Variants in WLS observed in about 807,000 individuals in gnomAD.
WLS encodes protein wntless homolog.
Under a neutral mutation model 62.8 loss-of-function variants are expected in WLS, and 23 were observed. The ratio of observed to expected loss-of-function variants is 0.37; its 90% confidence interval spans 0.26 to 0.52. WLS has a LOEUF of 0.52. Among genes scored for constraint, WLS ranks in the 20% least tolerant of loss-of-function variants. The pLI is 0.92. For missense variants in WLS, 615 were observed against 697.3 expected (o/e 0.88, Z 1.33); for synonymous variants, 246 against 244.1 (o/e 1.01, Z -0.07).
At chr1:68,199,217 G>C (rs559972928) in intron 1 of WLS, among the ~76,000 whole-genome samples, 3 of 152,170 alleles carry the variant, frequency 2.0e-5, no homozygotes, top group African/African-American at 7.2e-5. Flanking sequence ...CAATCACCTA[G>C]GAGCATTACT....
intron 2 of WLS, among the ~76,000 whole-genome samples, chr1:68,177,262 T>C (rs778785690): frequency 4.6e-5 from 7 of 152,216 alleles, no homozygotes; most frequent in Non-Finnish European, 1.0e-4. Context: ...CTGAATTCCA[T>C]GGGTGAGCTT....
intron 2 of WLS, among the ~76,000 whole-genome samples, chr1:68,177,887 A>G (rs928646527): frequency 5.9e-5 from 9 of 152,238 alleles, no homozygotes; most frequent in African/African-American, 2.2e-4. Context: ...CCTTACAACA[A>G]CCCTATAAAG....
intron 11 of WLS, among the ~76,000 whole-genome samples, chr1:68,106,890 C>T (rs1035324503): frequency 3.9e-4 from 59 of 152,286 alleles, no homozygotes; most frequent in African/African-American, 1.3e-3. Flanking sequence ...GTGCTTTGGA[C>T]ACTGTCAAGA....
At chr1:68,199,199 T>C (rs1648853702) in intron 1 of WLS, among the ~76,000 whole-genome samples, 1 of 152,202 alleles carries the variant, frequency 6.6e-6, no homozygotes, top group African/African-American at 2.4e-5. Flanking sequence ...TAATGAACAT[T>C]TCTTTAGCAA....
chr1:68,193,067 C>A (rs1241208025), intron 2 of WLS, among the ~76,000 whole-genome samples: 7 of 151,444 alleles, frequency 4.6e-5, no homozygotes, highest in Non-Finnish European at 7.4e-5. Context: ...CGAGATTGAG[C>A]CACTGCACTC....
intron 2 of WLS, among the ~76,000 whole-genome samples, chr1:68,179,873 T>G (rs1405448709): frequency 6.6e-6 from 1 of 152,148 alleles, no homozygotes; most frequent in African/African-American, 2.4e-5. Context: ...TAAAGGTAGA[T>G]CTCGAATTAC....
At chr1:68,193,398 TAAAAAAAAAAAAAAAAAAAAAA>T (rs904327955) in intron 2 of WLS, among the ~76,000 whole-genome samples, 6 of 15,440 alleles carry the variant, frequency 3.9e-4, no homozygotes, top group East Asian at 2.6e-3. Context: ...GCAAATAAGC[TAAAAAAAAAAAAAAAAAAAAAA>T]AAAAAAAAAA....
At chr1:68,135,875 C>G (rs569244136) in intron 11 of WLS, among the ~76,000 whole-genome samples, 10 of 152,102 alleles carry the variant, frequency 6.6e-5, no homozygotes, top group Admixed American at 6.6e-4. Context: ...GTAAAAACAC[C>G]GAGTGGTGTT....
rs1557487956 is a variant in WLS at position 68,162,711 on chromosome 1, C to T, written c.380-3464G>A. 4 of 1,195,484 alleles carry T rather than the reference C, an allele frequency of 3.3e-6. No homozygotes were observed. The Admixed American group carries it at 7.1e-5, about 21-fold the overall frequency. The allele number at this position is 1,195,484 out of a possible 1,614,324, so 74.1% of individuals were successfully genotyped here. ...CCGGTGTCTCTTCCACGGCTGCAGA[C>T]GGGATATTGCACACAGCAATTCCGA... On this transcript the variant is annotated intron_variant, in intron 2 of 11. Coordinates refer to ENST00000262348, the MANE Select transcript of WLS (RefSeq NM_024911.7).
At chr1:68,146,793 C>G (rs1045655453) in intron 8 of WLS, among the ~76,000 whole-genome samples, 4 of 152,168 alleles carry the variant, frequency 2.6e-5, no homozygotes, top group Non-Finnish European at 5.9e-5. Context: ...CAATTAGAGC[C>G]AGTCTGAGAA....
At chr1:68,145,769 C>T in intron 9 of WLS, 100 bp downstream of exon 9, 1 of 1,511,696 alleles carries the variant, frequency 6.6e-7, no homozygotes, top group Non-Finnish European at 8.8e-7. Context: ...ATTTGTATTT[C>T]AAAGTAAAGG....
intron 2 of WLS, among the ~76,000 whole-genome samples, chr1:68,185,405 G>T (rs942962306): frequency 6.6e-6 from 1 of 152,192 alleles, no homozygotes; most frequent in Admixed American, 6.5e-5. Context: ...GTATGGCAGG[G>T]ATCCCTGACC....
intron 11 of WLS, among the ~76,000 whole-genome samples, chr1:68,099,015 C>T (rs1646043524): frequency 6.6e-6 from 1 of 152,074 alleles, no homozygotes; most frequent in Non-Finnish European, 1.5e-5. Flanking sequence ...AATTTTCCAA[C>T]ACCTCCCGAG....
At chr1:68,114,700 G>A (rs956802191) in intron 11 of WLS, among the ~76,000 whole-genome samples, 1 of 152,186 alleles carries the variant, frequency 6.6e-6, no homozygotes, top group Non-Finnish European at 1.5e-5. Context: ...CCTCGAGCCA[G>A]CCCCTGAAGG....
chr1:68,186,146 C>T (rs147915830), intron 2 of WLS, among the ~76,000 whole-genome samples: 1 of 152,206 alleles, frequency 6.6e-6, no homozygotes, highest in East Asian at 1.9e-4. Flanking sequence ...CATTTTTCTC[C>T]CAAAGGCACT....
intron 2 of WLS, among the ~76,000 whole-genome samples, chr1:68,185,381 G>A (rs1647865808): frequency 6.6e-6 from 1 of 152,186 alleles, no homozygotes; most frequent in South Asian, 2.1e-4. Flanking sequence ...AAGATTGATA[G>A]GGTAAGGCAT....
In WLS at chr1:68,144,606, C is replaced by T. The variant is rs769604518; in HGVS notation, c.1325G>A (p.Cys442Tyr). The change falls in exon 10 of 12, where the codon TGC (cysteine) becomes TAC (tyrosine). Residue 442 changes from cysteine to tyrosine, a missense_variant. Cys to Tyr is a radical substitution (Grantham distance 194). Transcript: ENST00000262348. ...GAAGAAGATGACAGTCATGGCAGCG[C>T]AGGCCAAGGTGATAAGCATGAGGAA... ...FKFLMLITLA[C>Y]AAMTVIFFIV... is the part of the protein sequence containing the mutation. The T allele has an allele frequency of 6.2e-7, 1 of 1,613,760 alleles. No individual in the cohort carries two copies. The highest frequency in any genetic ancestry group is 1.1e-5 in the South Asian group (1 of 91,070).
In WLS at chr1:68,163,002, A is replaced by C; in HGVS notation, c.380-3755T>G. ...CAGCGCCACCAGGGGGCAGGAGTGC[A>C]GGGGGCCGTTCATGATCTGGGGGCG... On this transcript the variant is annotated intron_variant, in intron 2 of 11. Coordinates refer to ENST00000262348, the MANE Select transcript of WLS (RefSeq NM_024911.7). The C allele has an allele frequency of 1.9e-6, 3 of 1,593,422 alleles. No homozygotes were observed. The South Asian group carries it at 3.3e-5, about 18-fold the overall frequency.
At chr1:68,217,506 C>T (rs768829533) in intron 1 of WLS, among the ~76,000 whole-genome samples, 1 of 152,142 alleles carries the variant, frequency 6.6e-6, no homozygotes, top group Admixed American at 6.5e-5. Context: ...CAGTGGTTAA[C>T]GGGAACATCA....
Sources: allele counts gnomAD v4.1 joint callset (sites outside exome capture counted in the v4.1 genomes callset), GRCh38; gene constraint gnomAD v4.1.1; transcripts MANE v1.5; gene names NCBI Gene and HGNC (gene_info 2026-07-23, HGNC 2026-07-21).